PHKB: variants seen among roughly 807,000 people sequenced by gnomAD.
The protein encoded by PHKB is phosphorylase kinase regulatory subunit beta.
PHKB carries 122 observed loss-of-function variants against 152.1 expected under a neutral mutation model. That is an observed-to-expected ratio of 0.80 (90% CI 0.69 to 0.93). The LOEUF is 0.93. Among genes scored for constraint, PHKB ranks in the 40% least tolerant of loss-of-function variants. The pLI, the probability that PHKB is intolerant of heterozygous loss-of-function variation, is 0.00. For missense variants in PHKB, 1,304 were observed against 1,328.4 expected (o/e 0.98, Z 0.29); for synonymous variants, 436 against 464.9 (o/e 0.94, Z 0.80).
intron 6 of PHKB, among the ~76,000 whole-genome samples, chr16:47,538,112 C>T (rs529581428): frequency 6.6e-6 from 1 of 152,028 alleles, no homozygotes; most frequent in Non-Finnish European, 1.5e-5. Flanking sequence ...CTAGGCTGGT[C>T]TTGAACTTCT....
At chr16:47,541,321 T>C (rs1425474320) in intron 6 of PHKB, among the ~76,000 whole-genome samples, 1 of 152,226 alleles carries the variant, frequency 6.6e-6, no homozygotes, top group Non-Finnish European at 1.5e-5. Context: ...GCAAAGGACA[T>C]GAGCTCATCC....
chr16:47,649,044 AC>A (rs1429107696), intron 17 of PHKB, 55 bp from the exon 18 acceptor site: 2 of 912,360 alleles, frequency 2.2e-6, no homozygotes, highest in African/African-American at 3.2e-5. Flanking sequence ...ACAGCACTGC[AC>A]CTTTGCCTTT....
intron 7 of PHKB, among the ~76,000 whole-genome samples, chr16:47,569,735 C>T (rs574081412): frequency 7.9e-5 from 12 of 152,270 alleles, no homozygotes; most frequent in African/African-American, 2.6e-4. Flanking sequence ...ATCCTCCTAC[C>T]TCAGCCTCCC....
At chr16:47,590,644 A>C (rs1972013174) in intron 10 of PHKB, 1 of 152,224 alleles carries the variant, frequency 6.6e-6, no homozygotes, top group Non-Finnish European at 1.5e-5. Flanking sequence ...ACCACCTCGC[A>C]CACTTCCAAC....
At chr16:47,682,427 C>T (rs895635419) in intron 26 of PHKB, among the ~76,000 whole-genome samples, 6 of 152,214 alleles carry the variant, frequency 3.9e-5, no homozygotes, top group African/African-American at 1.4e-4. Flanking sequence ...GCTCTTTTCA[C>T]ATAGTCCCAT....
chr16:47,540,829 T>G (rs902581621), intron 6 of PHKB, among the ~76,000 whole-genome samples: 35 of 143,506 alleles, frequency 2.4e-4, no homozygotes, highest in Non-Finnish European at 4.6e-4. Flanking sequence ...GTTTTTTTTT[T>G]TTTTTTTTTT....
chr16:47,684,638 G>A (rs1490827585), intron 26 of PHKB, among the ~76,000 whole-genome samples: 8 of 151,398 alleles, frequency 5.3e-5, no homozygotes, highest in Non-Finnish European at 1.2e-4. Context: ...GTAGTAGCGG[G>A]CGCCTGTAGT....
intron 1 of PHKB, among the ~76,000 whole-genome samples, chr16:47,483,710 G>C (rs1390923111): frequency 1.3e-5 from 2 of 152,128 alleles, no homozygotes; most frequent in Non-Finnish European, 2.9e-5. Context: ...CAATAGAAGA[G>C]AACAATGAAT....
chr16:47,674,168 T>TGAAAGGATTTG (rs1973685489), intron 26 of PHKB, among the ~76,000 whole-genome samples: 1 of 152,000 alleles, frequency 6.6e-6, no homozygotes, highest in South Asian at 2.1e-4. Flanking sequence ...TTTTTTTTTT[T>TGAAAGGATTTG]CGTCTTTTGT....
intron 14 of PHKB, among the ~76,000 whole-genome samples, chr16:47,630,150 T>A (rs1972799684): frequency 1.3e-5 from 2 of 151,998 alleles, no homozygotes; most frequent in Non-Finnish European, 2.9e-5. Flanking sequence ...ATTGTGCACA[T>A]GTACCCTAAA....
intron 1 of PHKB, among the ~76,000 whole-genome samples, chr16:47,496,622 C>T (rs1003840034): frequency 1.3e-5 from 2 of 152,100 alleles, no homozygotes; most frequent in Non-Finnish European, 2.9e-5. Context: ...TTAACAAGAA[C>T]GAGAGACAGT....
chr16:47,566,635 T>C, intron 7 of PHKB: 1 of 1,122,094 alleles, frequency 8.9e-7, no homozygotes, highest in Non-Finnish European at 1.4e-6. Context: ...GGAAGATGGC[T>C]CCAGTCGATA....
At chr16:47,482,970 C>T (rs1413986836) in intron 1 of PHKB, among the ~76,000 whole-genome samples, 1 of 151,650 alleles carries the variant, frequency 6.6e-6, no homozygotes, top group African/African-American at 2.4e-5. Context: ...ACCCACCCAC[C>T]TTGGCCTCCC....
intron 7 of PHKB, among the ~76,000 whole-genome samples, chr16:47,556,499 A>G (rs1971372490): frequency 6.6e-6 from 1 of 152,176 alleles, no homozygotes. Flanking sequence ...ATTTTGTCCA[A>G]GGCCTTTTCT....
At chr16:47,495,903 T>C (rs145551710) in intron 1 of PHKB, among the ~76,000 whole-genome samples, 35 of 152,358 alleles carry the variant, frequency 2.3e-4, no homozygotes, top group Non-Finnish European at 4.1e-4. Context: ...TTCTTTTCGC[T>C]CAGAGCAAGT....
Position 47,689,069 on chromosome 16 carries a change from C to T in PHKB, c.2659C>T (p.Leu887Phe), listed in dbSNP as rs891812862. 6.2e-7 allele frequency: 1 copy of T among 1,614,024 alleles called. No individual in the cohort carries two copies. Among genetic ancestry groups the T allele is most frequent in the South Asian group, 1.1e-5 (1 of 91,062 alleles). Reference protein sequence around the residue: ...GWIIHAMEYELQIRGGDKPAL... With the variant: ...GWIIHAMEYEFQIRGGDKPAL... ...GATCATCCATGCCATGGAGTATGAACTTCAGATCCGTGGCGGAGACAAGCC... is the reference window on the plus strand; with the variant it reads ...GATCATCCATGCCATGGAGTATGAATTTCAGATCCGTGGCGGAGACAAGCC... The change falls in exon 27 of 31, where the codon CTT (leucine) becomes TTT (phenylalanine). Residue 887 changes from leucine to phenylalanine, a missense_variant. Transcript: ENST00000323584.
At chr16:47,561,785 A>G (rs960812145) in intron 7 of PHKB, 6 of 152,304 alleles carry the variant, frequency 3.9e-5, no homozygotes, top group Admixed American at 3.3e-4. Flanking sequence ...ACTTCCTTGG[A>G]TATTCTTTCA....
intron 13 of PHKB, among the ~76,000 whole-genome samples, chr16:47,597,337 A>G (rs1250649096): frequency 6.6e-6 from 1 of 152,190 alleles, no homozygotes; most frequent in Non-Finnish European, 1.5e-5. Flanking sequence ...CGTAAGAGTA[A>G]TCATCTTCGG....
intron 8 of PHKB, among the ~76,000 whole-genome samples, chr16:47,581,273 A>G (rs1971839875): frequency 6.6e-6 from 1 of 152,162 alleles, no homozygotes; most frequent in South Asian, 2.1e-4. Context: ...TCTCCTTCTT[A>G]CGTACACAAG....
Sources: allele counts gnomAD v4.1 joint callset (sites outside exome capture counted in the v4.1 genomes callset), GRCh38; gene constraint gnomAD v4.1.1; transcripts MANE v1.5; gene names NCBI Gene and HGNC (gene_info 2026-07-23, HGNC 2026-07-21).